Variants in RBFOX1 observed in about 807,000 individuals in gnomAD.
RBFOX1 encodes the protein RNA binding fox-1 homolog 1.
In RBFOX1, 8 loss-of-function variants were observed where a neutral mutation model predicts 57.7. The ratio of observed to expected loss-of-function variants is 0.14; its 90% CI spans 0.08 to 0.25. The LOEUF (loss-of-function observed/expected upper bound fraction) is 0.25, where lower values mean the gene tolerates loss of function less well. RBFOX1 is among the 10% of genes least tolerant of loss of function. The pLI is 1.00. For missense variants in RBFOX1, 611 were observed against 548.5 expected (o/e 1.11, Z -1.14); for synonymous variants, 326 against 222.4 (o/e 1.47, Z -4.15).
chr16:6,883,483 A>G (rs2063360949), intron 3 of RBFOX1, among the ~76,000 whole-genome samples: 1 of 152,188 alleles, frequency 6.6e-6, no homozygotes, highest in Non-Finnish European at 1.5e-5. Flanking sequence ...TCTCTTAGAC[A>G]CCCATCTGCA....
intron 1 of RBFOX1, among the ~76,000 whole-genome samples, chr16:6,274,533 C>T (rs1329307133): frequency 1.3e-5 from 2 of 152,034 alleles, no homozygotes; most frequent in Non-Finnish European, 1.5e-5. Flanking sequence ...TGAGAGGAGA[C>T]AGGGAGGAGG....
intron 2 of RBFOX1, among the ~76,000 whole-genome samples, chr16:6,535,463 AC>A (rs1567592542): frequency 1.3e-5 from 2 of 152,156 alleles, no homozygotes; most frequent in Non-Finnish European, 2.9e-5. Flanking sequence ...ATACCACCCA[AC>A]ATCCTAAAAC....
chr16:5,395,897 G>A (rs1232905438), intron 1 of RBFOX1, among the ~76,000 whole-genome samples: 1 of 152,216 alleles, frequency 6.6e-6, no homozygotes, highest in African/African-American at 2.4e-5. Context: ...GAAGCCGTTG[G>A]TCCTGCAGCC....
chr16:7,155,744 C>CAA (rs2076982888), intron 4 of RBFOX1, among the ~76,000 whole-genome samples: 2 of 131,350 alleles, frequency 1.5e-5, no homozygotes, highest in African/African-American at 6.2e-5. Context: ...TATATACACA[C>CAA]ACACACACAC....
At chr16:6,871,530 C>A (rs889580239) in intron 3 of RBFOX1, among the ~76,000 whole-genome samples, 1 of 151,978 alleles carries the variant, frequency 6.6e-6, no homozygotes, top group Admixed American at 6.6e-5. Flanking sequence ...CCCTCATGCC[C>A]AGAGATCAAC....
At chr16:6,138,607 C>G (rs1218396748) in intron 1 of RBFOX1, among the ~76,000 whole-genome samples, 2 of 152,304 alleles carry the variant, frequency 1.3e-5, no homozygotes, top group East Asian at 3.9e-4. Flanking sequence ...GTGGCTCACA[C>G]CTGTATTCCC....
intron 2 of RBFOX1, among the ~76,000 whole-genome samples, chr16:6,337,742 AT>A (rs145882927): frequency 0.019 from 2,930 of 152,318 alleles, 49 homozygotes; most frequent in African/African-American, 0.036. Flanking sequence ...TGTAAAAAAA[AT>A]AAAAGTATTA....
rs759759798 is a variant in RBFOX1 at position 7,631,308 on chromosome 16, C to T, written c.757+625C>T. Among the ~76,000 whole-genome samples the T allele has an allele frequency of 5.9e-5, 9 of 152,088 alleles. No homozygotes were observed. In the South Asian group the frequency reaches 1.2e-3, roughly 21 times the overall value. ...CGTAGATAAGTATACCCATCCAGTG[C>T]GGGAGGGAAGAGACCCAAAATAAAT... On this transcript the variant is annotated intron_variant, in intron 11 of 15. Transcript: ENST00000550418.
At chr16:5,803,548 G>A (rs1161493600) in intron 3 of RBFOX1, among the ~76,000 whole-genome samples, 2 of 152,170 alleles carry the variant, frequency 1.3e-5, no homozygotes, top group Non-Finnish European at 2.9e-5. Flanking sequence ...TGACCGTGAA[G>A]CATATGTATG....
intron 12 of RBFOX1, among the ~76,000 whole-genome samples, chr16:7,663,518 T>C (rs2068344895): frequency 6.6e-6 from 1 of 151,994 alleles, no homozygotes; most frequent in African/African-American, 2.4e-5. Flanking sequence ...TGTGTGTGTG[T>C]GTGTGTGTGT....
chr16:5,485,929 A>T (rs114314618), intron 2 of RBFOX1, among the ~76,000 whole-genome samples: 1,736 of 152,318 alleles, frequency 0.011, 34 homozygotes, highest in African/African-American at 0.039. Flanking sequence ...AATGGAGATG[A>T]TAATCGTTCC....
intron 2 of RBFOX1, among the ~76,000 whole-genome samples, chr16:6,605,263 C>CAA (rs1412685298): frequency 1.5e-5 from 2 of 132,056 alleles, no homozygotes; most frequent in African/African-American, 6.6e-5. Flanking sequence ...ATGAAACCAA[C>CAA]ACATACAATT....
intron 1 of RBFOX1, among the ~76,000 whole-genome samples, chr16:6,160,036 C>G (rs1017611417): frequency 6.6e-6 from 1 of 152,232 alleles, no homozygotes; most frequent in African/African-American, 2.4e-5. Flanking sequence ...ATTGTTCTTA[C>G]CTTCAGTGAA....
At chr16:7,333,656 T>C (rs928652659) in intron 4 of RBFOX1, among the ~76,000 whole-genome samples, 7 of 152,318 alleles carry the variant, frequency 4.6e-5, no homozygotes, top group African/African-American at 1.4e-4. Flanking sequence ...GCCAGATGTG[T>C]ACATCTTAAT....
At chr16:5,297,783 A>G (rs2063704787) in intron 1 of RBFOX1, among the ~76,000 whole-genome samples, 1 of 152,196 alleles carries the variant, frequency 6.6e-6, no homozygotes, top group South Asian at 2.1e-4. Flanking sequence ...TAGGTAGACC[A>G]ATAGCTGATT....
At chr16:6,411,639 A>G (rs1047496162) in intron 2 of RBFOX1, among the ~76,000 whole-genome samples, 1 of 152,248 alleles carries the variant, frequency 6.6e-6, no homozygotes, top group Non-Finnish European at 1.5e-5. Flanking sequence ...GCTATTTATG[A>G]GTTAAAAGTG....
chr16:5,550,179 G>C (rs549835451), intron 2 of RBFOX1, among the ~76,000 whole-genome samples: 2 of 152,154 alleles, frequency 1.3e-5, no homozygotes, highest in Non-Finnish European at 2.9e-5. Context: ...GTTGCGAGAG[G>C]GGCTGTGTGG....
intron 4 of RBFOX1, among the ~76,000 whole-genome samples, chr16:7,203,445 T>A (rs2089166221): frequency 6.6e-6 from 1 of 152,068 alleles, no homozygotes; most frequent in South Asian, 2.1e-4. Context: ...ACAAAAAGAG[T>A]TCTGGAGGTT....
Position 5,979,051 on chromosome 16 carries a change from T to G in RBFOX1, c.351+111716T>G, listed in dbSNP as rs145834604. Reference sequence around the variant, plus strand: ...CTTCTCCTCCATTTTTGCAGAACCATGGACAATGGTTTAACTGAAACTGGG... The same window carrying G: ...CTTCTCCTCCATTTTTGCAGAACCAGGGACAATGGTTTAACTGAAACTGGG... On this transcript the variant is annotated intron_variant, in intron 4 of 19. Coordinates refer to the RBFOX1 transcript ENST00000641259. 1.8e-3 allele frequency among the ~76,000 whole-genome samples: 268 copies of G among 152,362 alleles called. 1 individual carries two copies. The highest frequency in any genetic ancestry group is 6.0e-3 in the African/African-American group (249 of 41,592).
Sources: gnomAD v4.1 joint callset for allele counts (sites outside exome capture counted in the v4.1 genomes callset) on GRCh38, gnomAD v4.1.1 for gene constraint, MANE v1.5 for transcripts, NCBI Gene and HGNC (gene_info 2026-07-23, HGNC 2026-07-21) for gene names.